Variants in DNAI4 observed in about 807,000 individuals in gnomAD.
DNAI4 encodes the protein dynein axonemal intermediate chain 4.
In DNAI4, 85 loss-of-function variants were observed where a neutral mutation model predicts 105.8. The observed-to-expected ratio is 0.80, with a 90% CI of 0.67 to 0.96. The LOEUF (loss-of-function observed/expected upper bound fraction) is 0.96, where lower values mean the gene tolerates loss of function less well. Among genes scored for constraint, DNAI4 ranks in the 40% least tolerant of loss-of-function variants. The pLI, the probability that DNAI4 is intolerant of heterozygous loss-of-function variation, is 0.00. For synonymous variants in DNAI4, 352 were observed against 331.5 expected (o/e 1.06, Z -0.67); for missense variants, 1,014 against 1,005.6 (o/e 1.01, Z -0.11).
chr1:66,839,533 T>C (rs1283819979), intron 9 of DNAI4, among the ~76,000 whole-genome samples: 11 of 152,104 alleles, frequency 7.2e-5, no homozygotes, highest in Admixed American at 1.3e-4. Flanking sequence ...ATACAAAATA[T>C]AATATAATTT....
intron 6 of DNAI4, among the ~76,000 whole-genome samples, chr1:66,863,738 G>A (rs1646675536): frequency 6.6e-6 from 1 of 152,134 alleles, no homozygotes. Context: ...GATTACAGGT[G>A]TGAGCCACCA....
chr1:66,854,442 T>G (rs1646458547), intron 7 of DNAI4, among the ~76,000 whole-genome samples: 1 of 151,588 alleles, frequency 6.6e-6, no homozygotes, highest in Non-Finnish European at 1.5e-5. Context: ...AAAACTTAGG[T>G]GTAAATCTAT....
chr1:66,901,192 A>G (rs1648790808), intron 2 of DNAI4, among the ~76,000 whole-genome samples: 1 of 152,028 alleles, frequency 6.6e-6, no homozygotes, highest in African/African-American at 2.4e-5. Flanking sequence ...TCAATATTTC[A>G]TTAATTTCCA....
intron 13 of DNAI4, among the ~76,000 whole-genome samples, chr1:66,832,837 C>T (rs1367505502): frequency 6.6e-6 from 1 of 152,040 alleles, no homozygotes. Context: ...AACAAAGTAT[C>T]TCCAGATAAA....
At chr1:66,883,801 A>G (rs1647133294) in intron 4 of DNAI4, among the ~76,000 whole-genome samples, 1 of 152,244 alleles carries the variant, frequency 6.6e-6, no homozygotes, top group Non-Finnish European at 1.5e-5. Context: ...AAATCAAGCT[A>G]GTTAACATAT....
chr1:66,895,512 A>G (rs12122364), intron 2 of DNAI4, among the ~76,000 whole-genome samples: 10,470 of 152,262 alleles, frequency 0.069, 418 homozygotes, highest in Non-Finnish European at 0.09. Context: ...TTTTTGAACT[A>G]TTTGTTGCTA....
rs375105342 is a variant in DNAI4, at chr1:66,826,905, C to A, written c.2254G>T (p.Asp752Tyr). ...SFYPATSVVY[D>Y]VAWSPKSSYI... The stretch of plus-strand genomic sequence containing the variant: ...GATGATTTTGGAGACCAGGCAACGT[C>A]GTAAACAACAGAAGTAGCTGGATAA... Residue 752 changes from aspartate to tyrosine, a missense_variant, in exon 15 of 17, where the codon GAC becomes TAC. Transcript: ENST00000371026. 6.2e-7 allele frequency: 1 copy of A among 1,614,138 alleles called. No homozygotes were observed. Among genetic ancestry groups the A allele is most frequent in the East Asian group, 2.2e-5 (1 of 44,864 alleles).
chr1:66,875,336 C>T (rs1646938477), intron 4 of DNAI4, among the ~76,000 whole-genome samples: 1 of 152,112 alleles, frequency 6.6e-6, no homozygotes, highest in Non-Finnish European at 1.5e-5. Context: ...TAATTCGTTG[C>T]TTTAGCAAAC....
At chr1:66,868,529 A>G (rs1646777140) in intron 6 of DNAI4, among the ~76,000 whole-genome samples, 2 of 152,142 alleles carry the variant, frequency 1.3e-5, no homozygotes, top group Admixed American at 1.3e-4. Context: ...AGGTGGAGGA[A>G]GGTTGAATTC....
chr1:66,849,035 A>G (rs2100536345), intron 7 of DNAI4, among the ~76,000 whole-genome samples: 1 of 152,288 alleles, frequency 6.6e-6, no homozygotes, highest in Non-Finnish European at 1.5e-5. Context: ...AAACATAATG[A>G]TAGTGGTCCC....
chr1:66,856,850 A>G (rs1031386452), intron 7 of DNAI4, among the ~76,000 whole-genome samples: 3 of 152,078 alleles, frequency 2.0e-5, no homozygotes, highest in African/African-American at 7.2e-5. Flanking sequence ...TTAGAGAAAA[A>G]TTTTAACATT....
rs756038741 is a variant in DNAI4 at position 66,833,552 on chromosome 1, T to C, written c.2013+33A>G. 4 of 1,603,788 alleles carry C rather than the reference T, an allele frequency of 2.5e-6. No homozygotes were observed. In the Admixed American group the frequency reaches 7.0e-5, roughly 28 times the overall value. On this transcript the variant is annotated intron_variant, in intron 13 of 16. Transcript: ENST00000371026. Reference sequence around the variant, plus strand: ...ACACTTCAATTTTTGGAAATTGTTATGTCCAGTGGTAAATAAGAGTGAAAT... The same window carrying C: ...ACACTTCAATTTTTGGAAATTGTTACGTCCAGTGGTAAATAAGAGTGAAAT...
At chr1:66,892,985 G>GAAAGAAAC (rs1647838534) in intron 3 of DNAI4, among the ~76,000 whole-genome samples, 1 of 127,730 alleles carries the variant, frequency 7.8e-6, no homozygotes, top group East Asian at 2.0e-4. Flanking sequence ...AAGAAAGAAA[G>GAAAGAAAC]AAAGAAAGAA....
chr1:66,893,115 A>AAGAAAGAAAG (rs1557965781), intron 3 of DNAI4, 114 bp downstream of exon 3: 5 of 513,750 alleles, frequency 9.7e-6, no homozygotes, highest in Non-Finnish European at 1.6e-5. Flanking sequence ...GAAAGAAAGA[A>AAGAAAGAAAG]AGAAAGAAAC....
At chr1:66,849,425 A>T (rs1329118837) in intron 7 of DNAI4, among the ~76,000 whole-genome samples, 1 of 152,228 alleles carries the variant, frequency 6.6e-6, no homozygotes, top group Non-Finnish European at 1.5e-5. Context: ...CTGCCAGAAC[A>T]GTGTCAAACA....
intron 16 of DNAI4, among the ~76,000 whole-genome samples, chr1:66,816,917 T>C (rs1645529458): frequency 6.6e-6 from 1 of 152,158 alleles, no homozygotes; most frequent in Non-Finnish European, 1.5e-5. Flanking sequence ...CTATATTTTA[T>C]ACTTTTACCA....
intron 8 of DNAI4, among the ~76,000 whole-genome samples, chr1:66,845,190 C>CAAAAAAAAAAAAAAAAAAAAA (rs59265844): frequency 5.6e-5 from 6 of 106,324 alleles, no homozygotes; most frequent in Non-Finnish European, 5.4e-5. Context: ...AACTCCATCT[C>CAAAAAAAAAAAAAAAAAAAAA]AAAAAAAAAA....
chr1:66,830,658 G>A (rs188799184), intron 13 of DNAI4, among the ~76,000 whole-genome samples: 14 of 151,758 alleles, frequency 9.2e-5, no homozygotes, highest in South Asian at 4.2e-4. Flanking sequence ...GTGCACACCC[G>A]TAATCCCAAC....
chr1:66,923,742 C>T (rs1447797084), intron 1 of DNAI4, among the ~76,000 whole-genome samples: 1 of 152,054 alleles, frequency 6.6e-6, no homozygotes, highest in Non-Finnish European at 1.5e-5. Context: ...CAACAAGTTC[C>T]GCTGAAGAAA....
Sources: allele counts gnomAD v4.1 joint callset (sites outside exome capture counted in the v4.1 genomes callset), GRCh38; gene constraint gnomAD v4.1.1; transcripts MANE v1.5; gene names NCBI Gene and HGNC (gene_info 2026-07-23, HGNC 2026-07-21).